Variants in GDPD5 observed in about 807,000 individuals in gnomAD.
The protein encoded by GDPD5 is glycerophosphodiester phosphodiesterase 2.
In GDPD5, 48 loss-of-function variants were observed where a neutral mutation model predicts 75.1. The observed-to-expected ratio is 0.64, with a 90% confidence interval of 0.51 to 0.81. The LOEUF is 0.81. Ranked by LOEUF, GDPD5 falls within the 40% of genes least tolerant of loss-of-function variation. The probability of loss-of-function intolerance (pLI) is 0.00; values close to 1 mark genes in which losing one functional copy is unlikely to be tolerated. For synonymous variants in GDPD5, 336 were observed against 339.0 expected (o/e 0.99, Z 0.10); for missense variants, 706 against 822.6 (o/e 0.86, Z 1.73).
At chr11:75,484,202 T>C (rs1365367827) in intron 2 of GDPD5, among the ~76,000 whole-genome samples, 1 of 151,884 alleles carries the variant, frequency 6.6e-6, no homozygotes, top group African/African-American at 2.4e-5. Context: ...CATCCAACCC[T>C]CCCACAAAAA....
chr11:75,435,760 G>A (rs540766381), intron 16 of GDPD5, 105 bp from the exon 17 acceptor site: 162 of 1,199,646 alleles, frequency 1.4e-4, no homozygotes, highest in Non-Finnish European at 1.7e-4. Flanking sequence ...GGCACTTGGA[G>A]GCTGATGAAA....
chr11:75,485,007 C>A (rs1043888732), intron 2 of GDPD5, among the ~76,000 whole-genome samples: 1 of 152,086 alleles, frequency 6.6e-6, no homozygotes, highest in Admixed American at 6.5e-5. Context: ...TATTATTTGG[C>A]AATAAAAAGG....
chr11:75,439,705 G>C (rs1948731477), intron 15 of GDPD5, among the ~76,000 whole-genome samples, 174 bp downstream of exon 15: 1 of 152,196 alleles, frequency 6.6e-6, no homozygotes, highest in African/African-American at 2.4e-5. Context: ...CATTCCAGAA[G>C]TCACCCAGCC....
At chr11:75,435,774 C>T in intron 16 of GDPD5, 119 bp from the exon 17 acceptor site, 1 of 1,016,298 alleles carries the variant, frequency 9.8e-7, no homozygotes, top group Non-Finnish European at 1.4e-6. Flanking sequence ...GATGAAACCA[C>T]TGGGCTCAGG....
intron 1 of GDPD5, among the ~76,000 whole-genome samples, chr11:75,512,313 C>T (rs1950540334): frequency 6.6e-6 from 1 of 151,748 alleles, no homozygotes; most frequent in African/African-American, 2.4e-5. Context: ...CACACACACA[C>T]ACACACACAC....
chr11:75,435,667 G>C lies in GDPD5; in HGVS notation c.1670-12C>G. 6.3e-7 allele frequency: 1 copy of C among 1,584,484 alleles called. No homozygotes were observed. ...ACCATCGCTGATCTCTGCTGGGCCA[G>C]AGGGAGACAGAATGTGAGTCGGGGA... On this transcript the variant is annotated splice_polypyrimidine_tract_variant and intron_variant, in intron 16 of 16. Coordinates refer to ENST00000336898, the MANE Select transcript of GDPD5 (RefSeq NM_030792.8).
intron 12 of GDPD5, among the ~76,000 whole-genome samples, 153 bp downstream of exon 12, chr11:75,442,210 A>G (rs994886053): frequency 1.3e-5 from 2 of 152,232 alleles, no homozygotes; most frequent in African/African-American, 4.8e-5. Context: ...CTCTTGTCCC[A>G]TGATGACCCT....
chr11:75,481,565 A>G (rs1206963265), intron 2 of GDPD5, among the ~76,000 whole-genome samples: 1 of 152,016 alleles, frequency 6.6e-6, no homozygotes, highest in Non-Finnish European at 1.5e-5. Context: ...ATGGGGCTAG[A>G]GAGACCATGG....
Position 75,443,208 on chromosome 11 carries a change from C to T in GDPD5, c.876G>A (p.Leu292=). 1 of 1,605,618 alleles carries T rather than the reference C, an allele frequency of 6.2e-7. No individual in the cohort carries two copies. Among genetic ancestry groups the T allele is most frequent in the Non-Finnish European group, 8.5e-7 (1 of 1,176,824 alleles). The change falls in exon 11 of 17, where the codon CTG becomes CTA. Residue 292 remains leucine (L), a synonymous_variant. Transcript: ENST00000336898. Reference sequence around the variant, plus strand: ...TAAGCATGGAGGCAGGCCTGCGGGCCAGCTCCGGGAACTCCTCCTCCACGT... The same window carrying T: ...TAAGCATGGAGGCAGGCCTGCGGGCTAGCTCCGGGAACTCCTCCTCCACGT... ...TTNVEEEFPE[L]ARRPASMLNW... is the part of the protein sequence containing the mutation.
At chr11:75,491,680 C>T (rs1352112710) in intron 1 of GDPD5, among the ~76,000 whole-genome samples, 2 of 152,180 alleles carry the variant, frequency 1.3e-5, no homozygotes, top group African/African-American at 4.8e-5. Context: ...ATTACTTAAC[C>T]TTTCTGTGCC....
At chr11:75,441,363 C>T (rs1565180489) in intron 13 of GDPD5, 53 bp from the exon 14 acceptor site, 5 of 1,606,662 alleles carry the variant, frequency 3.1e-6, no homozygotes, top group Non-Finnish European at 4.3e-6. Flanking sequence ...AGCTCCAGGC[C>T]CAGTGTCGGG....
intron 1 of GDPD5, among the ~76,000 whole-genome samples, chr11:75,499,873 G>T (rs1038024873): frequency 6.6e-6 from 1 of 152,132 alleles, no homozygotes; most frequent in Non-Finnish European, 1.5e-5. Flanking sequence ...GGCCAACCCC[G>T]CCCAGCCCTG....
At chr11:75,469,086 A>G (rs980222516) in intron 3 of GDPD5, among the ~76,000 whole-genome samples, 5 of 152,214 alleles carry the variant, frequency 3.3e-5, no homozygotes, top group South Asian at 2.1e-4. Flanking sequence ...GCTCTACACC[A>G]CATCTCTCCA....
At chr11:75,499,238 T>C (rs1053108578) in intron 1 of GDPD5, among the ~76,000 whole-genome samples, 17 of 152,016 alleles carry the variant, frequency 1.1e-4, no homozygotes, top group Non-Finnish European at 2.1e-4. Context: ...AATTGACGTC[T>C]GCCAGGTGCA....
chr11:75,479,081 C>G (rs1420186278), intron 2 of GDPD5, among the ~76,000 whole-genome samples: 1 of 152,170 alleles, frequency 6.6e-6, no homozygotes, highest in East Asian at 1.9e-4. Flanking sequence ...TGCTTGGCAC[C>G]CTGGAGATAT....
chr11:75,435,492 C>T lies in GDPD5; in HGVS notation c.*15G>A. On this transcript the variant is annotated 3_prime_UTR_variant, in exon 17 of 17. Transcript: ENST00000336898. The stretch of plus-strand genomic sequence containing the variant: ...GCTTCTGTGTCAGGTACAGGTGGGA[C>T]AGACATGTCTTCAGCTAACGCCCAC... 1.3e-6 allele frequency: 2 copies of T among 1,580,696 alleles called. No individual in the cohort carries two copies. Among genetic ancestry groups the T allele is most frequent in the Non-Finnish European group, 8.6e-7 (1 of 1,162,888 alleles).
chr11:75,503,282 A>G (rs1048950524), intron 1 of GDPD5, among the ~76,000 whole-genome samples: 17 of 152,290 alleles, frequency 1.1e-4, no homozygotes, highest in African/African-American at 4.1e-4. Flanking sequence ...CAGCCTCCCA[A>G]AGTGCTGGGA....
In GDPD5 at chr11:75,449,562, G is replaced by A. The variant is rs767087942; in HGVS notation, c.523C>T (p.Leu175Phe). Residue 175 changes from leucine to phenylalanine, a missense_variant, in exon 8 of 17, where the codon CTC becomes TTC. Coordinates refer to ENST00000336898, the MANE Select transcript of GDPD5 (RefSeq NM_030792.8). Reference protein sequence around the residue: ...HVGAVAAVTMLSWIVAGQFAR... With the variant: ...HVGAVAAVTMFSWIVAGQFAR... The stretch of plus-strand genomic sequence containing the variant: ...AACTGTCCTGCCACGATCCAGGAGA[G>A]CATGGTGACTGCTGCCACAGCCCCC... The A allele has an allele frequency of 6.3e-7, 1 of 1,589,930 alleles. No individual in the cohort carries two copies. Among genetic ancestry groups the A allele is most frequent in the Non-Finnish European group, 8.6e-7 (1 of 1,168,608 alleles).
chr11:75,449,335 G>A (rs561981315), intron 8 of GDPD5, among the ~76,000 whole-genome samples, 182 bp downstream of exon 8: 10 of 152,284 alleles, frequency 6.6e-5, no homozygotes, highest in East Asian at 1.9e-4. Context: ...GTGTGAGGCC[G>A]ACTGAAGCTG....
Sources: gnomAD v4.1 joint callset for allele counts (sites outside exome capture counted in the v4.1 genomes callset) on GRCh38, gnomAD v4.1.1 for gene constraint, MANE v1.5 for transcripts, NCBI Gene and HGNC (gene_info 2026-07-23, HGNC 2026-07-21) for gene names.